Variants in APOLD1 observed in about 807,000 individuals in gnomAD.
The protein encoded by APOLD1 is apolipoprotein L domain-containing protein 1.
APOLD1 carries 22 observed loss-of-function variants against 15.3 expected under a neutral mutation model. The ratio of observed to expected loss-of-function variants is 1.44; its 90% CI spans 1.03 to 2.05. The LOEUF is 2.05. Among genes scored for constraint, APOLD1 ranks in the 30% most tolerant of loss-of-function variants. The pLI, the probability that APOLD1 is intolerant of heterozygous loss-of-function variation, is 0.00. For missense variants in APOLD1, 394 were observed against 353.5 expected (o/e 1.11, Z -0.92); for synonymous variants, 190 against 167.4 (o/e 1.13, Z -1.04).
At chr12:12,776,003 CAAAAA>C (rs34623976) in intron 1 of APOLD1, among the ~76,000 whole-genome samples, 2,347 of 62,218 alleles carry the variant, frequency 0.038, 29 homozygotes, top group African/African-American at 0.14. Context: ...GACCCAGTCT[CAAAAA>C]AAAAAAAAAA....
At position 12,751,642 on chromosome 12, in the gene APOLD1, C is replaced by T. The variant is rs12314414; in HGVS notation, c.96+25546C>T. The stretch of plus-strand genomic sequence containing the variant: ...CTAGGACTATAGGCGTGAGCCAGCA[C>T]GCCCACCCAGGAGTGACTCTTAGGC... On this transcript the variant is annotated intron_variant, in intron 1 of 1. Transcript: ENST00000326765. Among the ~76,000 whole-genome samples, 1,283 of 152,332 alleles carry T rather than the reference C, an allele frequency of 8.4e-3. 17 individuals carry two copies. The highest frequency in any genetic ancestry group is 0.029 in the African/African-American group (1,214 of 41,566).
At chr12:12,770,424 T>C (rs1424760242) in intron 1 of APOLD1, among the ~76,000 whole-genome samples, 3 of 151,942 alleles carry the variant, frequency 2.0e-5, no homozygotes, top group Non-Finnish European at 2.9e-5. Flanking sequence ...AACAAAATGT[T>C]AGAGATAAAA....
At position 12,786,949 on chromosome 12, in the gene APOLD1, A is replaced by G. The variant is rs1463578214; in HGVS notation, c.44A>G (p.Asp15Gly). 1 of 1,459,742 alleles carries G rather than the reference A, an allele frequency of 6.9e-7. No individual in the cohort carries two copies. Among genetic ancestry groups the G allele is most frequent in the Non-Finnish European group, 9.0e-7 (1 of 1,114,792 alleles). 90.4% of individuals were successfully genotyped at this position (1,459,742 alleles called of 1,614,324 possible). A position where few individuals can be genotyped will look rare whatever the true frequency, so the allele number is the denominator to read the frequency against. The change falls in exon 2 of 2, where the codon GAC becomes GGC. Residue 15 changes from aspartate to glycine, a missense_variant. Transcript: ENST00000356591. ...RPAAREPHGP[D>G]ALRRFQGLLL... Reference sequence around the variant, plus strand: ...GCGGCCCGGGAGCCGCATGGGCCCGACGCGCTGCGGCGCTTCCAGGGACTG... The same window carrying G: ...GCGGCCCGGGAGCCGCATGGGCCCGGCGCGCTGCGGCGCTTCCAGGGACTG...
At chr12:12,744,433 A>G (rs961665366) in intron 1 of APOLD1, among the ~76,000 whole-genome samples, 3 of 151,060 alleles carry the variant, frequency 2.0e-5, no homozygotes, top group Non-Finnish European at 4.4e-5. Context: ...ACATGGTGAA[A>G]CCCCATCTCT....
intron 1 of APOLD1, among the ~76,000 whole-genome samples, chr12:12,780,474 A>C (rs1947071225): frequency 6.6e-6 from 1 of 151,778 alleles, no homozygotes; most frequent in Non-Finnish European, 1.5e-5. Context: ...GGCCGAATTT[A>C]TTTTTATTTT....
intron 1 of APOLD1, among the ~76,000 whole-genome samples, chr12:12,767,100 G>T (rs1015425786): frequency 1.3e-5 from 2 of 151,720 alleles, no homozygotes; most frequent in Admixed American, 1.3e-4. Flanking sequence ...ACAAAAATCA[G>T]CCGGGTGTGG....
At position 12,743,367 on chromosome 12, in the gene APOLD1, T is replaced by TAA. The variant is rs562123316; in HGVS notation, c.96+17281_96+17282dup. On this transcript the variant is annotated intron_variant, in intron 1 of 1. Coordinates refer to the APOLD1 transcript ENST00000326765. ...GGGCAACATAGTGAGACCCCATCTT[T>TAA]AAAAAAAAAAACAGGTGTGATTAAT... Among the ~76,000 whole-genome samples, 5 of 146,674 alleles carry TAA rather than the reference T, an allele frequency of 3.4e-5. 1 individual carries two copies. Among genetic ancestry groups the TAA allele is most frequent in the African/African-American group, 1.2e-4 (5 of 40,196 alleles).
At chr12:12,740,455 A>G (rs749187645) in intron 1 of APOLD1, among the ~76,000 whole-genome samples, 1 of 152,168 alleles carries the variant, frequency 6.6e-6, no homozygotes, top group Non-Finnish European at 1.5e-5. Flanking sequence ...ACTTTGCTTC[A>G]GCCCTGAGGT....
At position 12,746,207 on chromosome 12, in the gene APOLD1, T is replaced by C. The variant is rs753725015; in HGVS notation, c.96+20111T>C. Among the ~76,000 whole-genome samples the C allele has an allele frequency of 8.5e-5, 13 of 152,320 alleles. No individual in the cohort carries two copies. The East Asian group carries it at 1.7e-3, about 20-fold the overall frequency. ...TTGAGAAAAGGTTTTACTTAAATCC[T>C]GTTCCAGGCCGGGTGCAGTGGCTCA... is the stretch of plus-strand genomic sequence containing the variant. On this transcript the variant is annotated intron_variant, in intron 1 of 1. Transcript: ENST00000326765.
upstream of APOLD1, among the ~76,000 whole-genome samples, chr12:12,781,034 A>G (rs1333073679): frequency 6.6e-6 from 1 of 152,142 alleles, no homozygotes; most frequent in African/African-American, 2.4e-5. Flanking sequence ...TATTTTATAA[A>G]TCCTGTGACT....
At chr12:12,741,158 A>G (rs1033184715) in intron 1 of APOLD1, among the ~76,000 whole-genome samples, 21 of 152,174 alleles carry the variant, frequency 1.4e-4, no homozygotes, top group African/African-American at 4.6e-4. Flanking sequence ...GAGACTGAAC[A>G]TCAGGTTGTA....
At position 12,763,303 on chromosome 12, in the gene APOLD1, C is replaced by T. The variant is rs532642018; in HGVS notation, c.97-23606C>T. Reference sequence around the variant, plus strand: ...TTTAAAAACTACCCTCTTAACAATTCCTAAGTACAATTATCCCCCCATATC... The same window carrying T: ...TTTAAAAACTACCCTCTTAACAATTTCTAAGTACAATTATCCCCCCATATC... On this transcript the variant is annotated intron_variant, in intron 1 of 1. Transcript: ENST00000326765. Among the ~76,000 whole-genome samples the T allele has an allele frequency of 9.9e-5, 15 of 152,048 alleles. No individual in the cohort carries two copies. The South Asian group carries it at 2.5e-3, about 25-fold the overall frequency.
intron 1 of APOLD1, among the ~76,000 whole-genome samples, chr12:12,760,705 C>T (rs1454918323): frequency 6.7e-6 from 1 of 150,180 alleles, no homozygotes; most frequent in Non-Finnish European, 1.5e-5. Context: ...GTCCATACCA[C>T]AGTAAACCTT....
At chr12:12,764,072 C>T (rs1351624725) in intron 1 of APOLD1, among the ~76,000 whole-genome samples, 1 of 152,134 alleles carries the variant, frequency 6.6e-6, no homozygotes, top group African/African-American at 2.4e-5. Flanking sequence ...AAACAGTTCT[C>T]ATGCCTCAGC....
intron 1 of APOLD1, among the ~76,000 whole-genome samples, chr12:12,754,472 CG>C (rs1300445764): frequency 6.6e-6 from 1 of 151,732 alleles, no homozygotes; most frequent in Non-Finnish European, 1.5e-5. Flanking sequence ...TATTTAGAGA[CG>C]GAGTCTTGCT....
intron 1 of APOLD1, among the ~76,000 whole-genome samples, chr12:12,741,553 TA>T (rs1253410173): frequency 6.6e-6 from 1 of 152,208 alleles, no homozygotes; most frequent in African/African-American, 2.4e-5. Context: ...GTCTACAGTT[TA>T]TAGTGTGAAA....
chr12:12,791,116 C>T lies in APOLD1; in HGVS notation c.*3464C>T, dbSNP rs145587555. The stretch of plus-strand genomic sequence containing the variant: ...ATTTTCAGGATTCAATAGAACTGCT[C>T]CATTAAAAAAATAATCCTTAGCAAG... On this transcript the variant is annotated 3_prime_UTR_variant, in exon 2 of 2. Coordinates refer to ENST00000356591, the MANE Select transcript of APOLD1 (RefSeq NM_030817.3). 58 of 152,288 alleles carry T rather than the reference C, an allele frequency of 3.8e-4. No individual in the cohort carries two copies. The highest frequency in any genetic ancestry group is 1.4e-3 in the African/African-American group (57 of 41,544). 9.4% of individuals were successfully genotyped at this position (152,288 alleles called of 1,614,324 possible).
At chr12:12,759,362 A>G (rs1047353634) in intron 1 of APOLD1, among the ~76,000 whole-genome samples, 2 of 152,106 alleles carry the variant, frequency 1.3e-5, no homozygotes, top group African/African-American at 4.8e-5. Flanking sequence ...ATCTTGGCCA[A>G]AATTGCCTCT....
At chr12:12,781,644 C>T (rs1424402791), upstream of APOLD1, among the ~76,000 whole-genome samples, 2 of 150,922 alleles carry the variant, frequency 1.3e-5, no homozygotes, top group East Asian at 4.1e-4. Context: ...TCTCCTGCCT[C>T]AGCCTCCCGA....
Sources: gnomAD v4.1 joint callset for allele counts (sites outside exome capture counted in the v4.1 genomes callset) on GRCh38, gnomAD v4.1.1 for gene constraint, MANE v1.5 for transcripts, NCBI Gene and HGNC (gene_info 2026-07-23, HGNC 2026-07-21) for gene names.